The following ZNF197 variants were observed in gnomAD, a reference collection of about 807,000 sequenced individuals.
The protein encoded by ZNF197 is VHL-associated KRAB-A domain-containing protein.
In ZNF197, 14 loss-of-function variants were observed where a neutral mutation model predicts 27.4. That is an observed-to-expected ratio of 0.51 (90% CI 0.34 to 0.80). The LOEUF (loss-of-function observed/expected upper bound fraction) is 0.80. Among genes scored for constraint, ZNF197 ranks in the 30% least tolerant of loss-of-function variants. The pLI, the probability that ZNF197 is intolerant of heterozygous loss-of-function variation, is 0.02. For synonymous variants in ZNF197, 415 were observed against 420.0 expected (o/e 0.99, Z 0.15); for missense variants, 1,090 against 1,222.6 (o/e 0.89, Z 1.62).
At position 44,644,371 on chromosome 3, in the gene ZNF197, GC is replaced by G; in HGVS notation, c.*152del. 1 of 1,398,136 alleles carries G rather than the reference GC, an allele frequency of 7.2e-7. No homozygotes were observed. 86.6% of individuals were successfully genotyped at this position (1,398,136 alleles called of 1,614,324 possible). On this transcript the variant is annotated 3_prime_UTR_variant, in exon 6 of 6. Transcript: ENST00000344387. ...GAAAGTTAATAGGCCGGGCTTGGTGGCTCATGCCTGTAATCCCAGCACTTTG... is the reference window on the plus strand; with the variant it reads ...GAAAGTTAATAGGCCGGGCTTGGTGGTCATGCCTGTAATCCCAGCACTTTG...
chr3:44,645,365 A>C lies in ZNF197; in HGVS notation c.*1145A>C, dbSNP rs930062693. 2.1e-6 allele frequency: 2 copies of C among 973,064 alleles called. No individual in the cohort carries two copies. Among genetic ancestry groups the C allele is most frequent in the Non-Finnish European group, 2.4e-6 (2 of 829,470 alleles). 60.3% of individuals were successfully genotyped at this position (973,064 alleles called of 1,614,324 possible). A position where few individuals can be genotyped will look rare whatever the true frequency, so the allele number is the denominator to read the frequency against. ...AGGAACCTAAAAGATACTCATTTTCATAAGAGGAAGTATGGTGAATAGCTA... is the reference window on the plus strand; with the variant it reads ...AGGAACCTAAAAGATACTCATTTTCCTAAGAGGAAGTATGGTGAATAGCTA... On this transcript the variant is annotated 3_prime_UTR_variant, in exon 6 of 6. Transcript: ENST00000344387.
In ZNF197 at chr3:44,631,139, TC is replaced by T; in HGVS notation, c.470del (p.Pro157LeufsTer5). Reference protein sequence around the residue: ...APGTTLPPVLPGSHIAAEICP... With the variant: ...APGTTLPPVLXGSHIAAEICP... ...CAGGAACAACACTTCCTCCTGTACT[TC>T]CTGGCAGCCACATAGCAGCTGAAAT... On this transcript the variant is annotated frameshift_variant, in exon 3 of 6. Coordinates refer to ENST00000344387, the MANE Select transcript of ZNF197 (RefSeq NM_006991.5). LOFTEE classifies it high-confidence loss of function. The T allele has an allele frequency of 1.2e-6, 2 of 1,614,102 alleles. No individual in the cohort carries two copies. The highest frequency in any genetic ancestry group is 1.7e-6 in the Non-Finnish European group (2 of 1,180,014).
intron 4 of ZNF197, 119 bp downstream of exon 4, chr3:44,632,315 T>C: frequency 1.3e-6 from 2 of 1,502,066 alleles, no homozygotes; most frequent in Non-Finnish European, 1.8e-6. Context: ...GGGTCTATGC[T>C]ATTGGAAGAC....
chr3:44,630,937 C>A, intron 2 of ZNF197, 125 bp from the exon 3 acceptor site: 1 of 1,294,576 alleles, frequency 7.7e-7, no homozygotes, highest in Non-Finnish European at 1.1e-6. Flanking sequence ...TTTGATGCTC[C>A]ATACTTGAGG....
Position 44,629,095 on chromosome 3 carries a change from G to A in ZNF197, c.-60G>A, listed in dbSNP as rs534927514. 3 of 1,535,246 alleles carry A rather than the reference G, an allele frequency of 2.0e-6. No homozygotes were observed. Among genetic ancestry groups the A allele is most frequent in the East Asian group, 4.5e-5 (2 of 44,460 alleles). ...GTAGATGATACTCTCCAAGCTGTAA[G>A]GAAGAAGTCAAGGATTAAGGAGACC... On this transcript the variant is annotated 5_prime_UTR_variant, in exon 2 of 6. Transcript: ENST00000344387.
chr3:44,643,712 T>G lies in ZNF197; in HGVS notation c.2582T>G (p.Leu861Arg), dbSNP rs1239625420. The G allele has an allele frequency of 1.2e-6, 2 of 1,614,084 alleles. No individual in the cohort carries two copies. The highest frequency in any genetic ancestry group is 1.7e-6 in the Non-Finnish European group (2 of 1,180,010). ...CGKGFTYNRN[L>R]IEHQRIHSGE... ...AAAGGTTTTACGTACAACAGAAACC[T>G]GATTGAACATCAAAGAATTCACAGT... The change falls in exon 6 of 6, where the codon CTG becomes CGG. Residue 861 changes from leucine to arginine, a missense_variant. Physicochemically the swap from Leu to Arg is moderately radical, Grantham distance 102 (BLOSUM62 -2). Transcript: ENST00000344387.
intron 5 of ZNF197, among the ~76,000 whole-genome samples, chr3:44,633,470 GCAAT>G (rs1471545730): frequency 6.6e-6 from 1 of 152,186 alleles, no homozygotes; most frequent in Non-Finnish European, 1.5e-5. Flanking sequence ...AGAAAACGGG[GCAAT>G]CAGTTTCATT....
At chr3:44,633,221 T>C (rs1344661113) in intron 5 of ZNF197, among the ~76,000 whole-genome samples, 1 of 152,240 alleles carries the variant, frequency 6.6e-6, no homozygotes, top group Non-Finnish European at 1.5e-5. Context: ...TTTAAAGTTA[T>C]ATATATTCTA....
chr3:44,643,297 G>T lies in ZNF197; in HGVS notation c.2167G>T (p.Val723Phe). 6.2e-7 allele frequency: 1 copy of T among 1,613,888 alleles called. No homozygotes were observed. ...CTTTATTATGAGCAAAAGTTTTATG[G>T]TCCATCAGAAACTCCATACACAAGA... ...KTFIMSKSFM[V>F]HQKLHTQEKA... The change falls in exon 6 of 6, where the codon GTC becomes TTC. Residue 723 changes from valine to phenylalanine, a missense_variant. By Grantham distance (50) the Val-to-Phe change is conservative. Coordinates refer to ENST00000344387, the MANE Select transcript of ZNF197 (RefSeq NM_006991.5).
chr3:44,642,918 T>C lies in ZNF197; in HGVS notation c.1788T>C (p.Cys596=). 1 of 1,614,046 alleles carries C rather than the reference T, an allele frequency of 6.2e-7. No homozygotes were observed. Among genetic ancestry groups the C allele is most frequent in the Non-Finnish European group, 8.5e-7 (1 of 1,179,998 alleles). The part of the protein sequence containing the change: ...RVHTEKKTFG[C]KKCGKIFSSK... ...ACACAGAAAAGAAAACCTTTGGTTGTAAAAAGTGTGGGAAGATTTTCAGTT... is the reference window on the plus strand; with the variant it reads ...ACACAGAAAAGAAAACCTTTGGTTGCAAAAAGTGTGGGAAGATTTTCAGTT... Residue 596 remains cysteine (C), a synonymous_variant, in exon 6 of 6, where the codon TGT becomes TGC. Coordinates refer to ENST00000344387, the MANE Select transcript of ZNF197 (RefSeq NM_006991.5).
At chr3:44,636,804 C>T (rs1289486026) in intron 5 of ZNF197, among the ~76,000 whole-genome samples, 1 of 152,188 alleles carries the variant, frequency 6.6e-6, no homozygotes. Context: ...AGCAACTGCA[C>T]CATTTTACAC....
rs369289518 is a variant in ZNF197 at position 44,629,594 on chromosome 3, G to T, written c.390+50G>T. ...GGGTGTTGGGATGAAAGGAAGGAAAGAATTGAGGCTAGGCTAGAGGGTGAT... is the reference window on the plus strand; with the variant it reads ...GGGTGTTGGGATGAAAGGAAGGAAATAATTGAGGCTAGGCTAGAGGGTGAT... On this transcript the variant is annotated intron_variant, in intron 2 of 5. Coordinates refer to ENST00000344387, the MANE Select transcript of ZNF197 (RefSeq NM_006991.5). The T allele has an allele frequency of 7.1e-4, 1,070 of 1,507,324 alleles. 12 individuals are homozygous for T. In the South Asian group the frequency reaches 0.014, roughly 19 times the overall value. The allele number at this position is 1,507,324 out of a possible 1,614,324, so 93.4% of individuals were successfully genotyped here.
intron 5 of ZNF197, among the ~76,000 whole-genome samples, chr3:44,634,098 G>A (rs1559466969): frequency 6.6e-6 from 1 of 152,144 alleles, no homozygotes; most frequent in East Asian, 1.9e-4. Flanking sequence ...ACACAGGAGA[G>A]CCAATTTTCC....
rs1575505691 is a variant in ZNF197, at chr3:44,646,206, A to T, written c.*1986A>T. On this transcript the variant is annotated 3_prime_UTR_variant, in exon 6 of 6. Coordinates refer to ENST00000344387, the MANE Select transcript of ZNF197 (RefSeq NM_006991.5). ...CAGTTCTTGGAGCCTTGAATTCCTC[A>T]TCTGTTAAACAGGAGGAAGAATATC... The T allele has an allele frequency of 2.0e-6, 2 of 977,908 alleles. No individual in the cohort carries two copies. The highest frequency in any genetic ancestry group is 2.4e-6 in the Non-Finnish European group (2 of 823,244). The allele number at this position is 977,908 out of a possible 1,614,324, so 60.6% of individuals were successfully genotyped here. A position where few individuals can be genotyped will look rare whatever the true frequency, so the allele number is the denominator to read the frequency against.
intron 5 of ZNF197, among the ~76,000 whole-genome samples, chr3:44,641,483 T>C (rs1702598440): frequency 6.6e-6 from 1 of 152,216 alleles, no homozygotes; most frequent in Non-Finnish European, 1.5e-5. Flanking sequence ...ACATATATTT[T>C]CCTTCCCTTA....
At chr3:44,631,888 A>G (rs1029617486) in intron 3 of ZNF197, among the ~76,000 whole-genome samples, 7 of 151,144 alleles carry the variant, frequency 4.6e-5, no homozygotes, top group African/African-American at 1.5e-4. Context: ...TTTTTAGTAG[A>G]GACAGGGTTT....
At position 44,644,891 on chromosome 3, in the gene ZNF197, TTAA is replaced by T. The variant is rs1461407867; in HGVS notation, c.*678_*680del. ...TAAATTTATTAATAAAACTAAAAAT[TTAA>T]TAATAAAAAGTGGACATTGTTTTTT... On this transcript the variant is annotated 3_prime_UTR_variant, in exon 6 of 6. Coordinates refer to ENST00000344387, the MANE Select transcript of ZNF197 (RefSeq NM_006991.5). The T allele has an allele frequency of 1.7e-5, 17 of 973,528 alleles. No homozygotes were observed. Among genetic ancestry groups the T allele is most frequent in the Non-Finnish European group, 2.1e-5 (17 of 819,244 alleles). 60.3% of individuals were successfully genotyped at this position (973,528 alleles called of 1,614,324 possible). A position where few individuals can be genotyped will look rare whatever the true frequency, so the allele number is the denominator to read the frequency against.
rs1702862645 is a variant in ZNF197, at chr3:44,644,836, A to G, written c.*616A>G. ...GGAGTTCGAGACAAGCCTGGGTAAC[A>G]CGGGGAGACCCGTCTTTAGTAAATA... On this transcript the variant is annotated 3_prime_UTR_variant, in exon 6 of 6. Coordinates refer to ENST00000344387, the MANE Select transcript of ZNF197 (RefSeq NM_006991.5). 1.0e-6 allele frequency: 1 copy of G among 969,430 alleles called. No individual in the cohort carries two copies. The highest frequency in any genetic ancestry group is 1.8e-5 in the African/African-American group (1 of 56,876). 60.1% of individuals were successfully genotyped at this position (969,430 alleles called of 1,614,324 possible).
chr3:44,639,199 T>A (rs75164577), intron 5 of ZNF197, among the ~76,000 whole-genome samples: 1 of 152,212 alleles, frequency 6.6e-6, no homozygotes, highest in African/African-American at 2.4e-5. Context: ...ATAATTCTTT[T>A]TATGTCCTGC....
Sources: allele counts gnomAD v4.1 joint callset (sites outside exome capture counted in the v4.1 genomes callset), GRCh38; gene constraint gnomAD v4.1.1; transcripts MANE v1.5; gene names NCBI Gene and HGNC (gene_info 2026-07-23, HGNC 2026-07-21).